SGMS1: variants seen among roughly 807,000 people sequenced by gnomAD.
SGMS1 encodes the protein sphingomyelin synthase 1.
In SGMS1, 13 loss-of-function variants were observed where a neutral mutation model predicts 46.2. The observed-to-expected ratio is 0.28, with a 90% CI of 0.18 to 0.45. SGMS1 has a LOEUF of 0.45. Ranked by LOEUF, SGMS1 falls within the 20% of genes least tolerant of loss-of-function variation. The probability of loss-of-function intolerance (pLI) is 1.00; values close to 1 mark genes in which losing one functional copy is unlikely to be tolerated. For synonymous variants in SGMS1, 203 were observed against 187.8 expected (o/e 1.08, Z -0.66); for missense variants, 324 against 519.9 (o/e 0.62, Z 3.66).
At chr10:50,525,340 A>C (rs1837891662) in intron 2 of SGMS1, among the ~76,000 whole-genome samples, 1 of 152,142 alleles carries the variant, frequency 6.6e-6, no homozygotes. Context: ...CTAGATTGTG[A>C]AGGTGGGTGT....
intron 6 of SGMS1, among the ~76,000 whole-genome samples, chr10:50,427,081 A>C (rs1849335612): frequency 6.6e-6 from 1 of 152,226 alleles, no homozygotes; most frequent in Non-Finnish European, 1.5e-5. Context: ...ATAACAGAAA[A>C]AATTAATGTA....
intron 9 of SGMS1, among the ~76,000 whole-genome samples, chr10:50,309,334 A>T (rs971716074): frequency 3.3e-5 from 5 of 152,180 alleles, no homozygotes; most frequent in African/African-American, 1.2e-4. Flanking sequence ...TAATGTTCAT[A>T]AACTTTTTCC....
chr10:50,625,130 G>C (rs1015475161), upstream of SGMS1: 69 of 920,158 alleles, frequency 7.5e-5, no homozygotes, highest in Non-Finnish European at 8.8e-5. Flanking sequence ...GGCTTGCCCA[G>C]AGGACAGGTT....
intron 1 of SGMS1, among the ~76,000 whole-genome samples, chr10:50,609,521 GTTTTTTT>G (rs370846975): frequency 8.5e-6 from 1 of 117,046 alleles, no homozygotes; most frequent in African/African-American, 3.2e-5. Flanking sequence ...CTTCTCAATA[GTTTTTTT>G]TTTTTTTTTT....
At chr10:50,598,120 C>T (rs968150153) in intron 1 of SGMS1, among the ~76,000 whole-genome samples, 3 of 144,466 alleles carry the variant, frequency 2.1e-5, no homozygotes, top group African/African-American at 7.5e-5. Flanking sequence ...AAACCCTAGT[C>T]CCCAGTGTGA....
At chr10:50,485,046 G>A (rs540715467) in intron 3 of SGMS1, among the ~76,000 whole-genome samples, 1 of 152,252 alleles carries the variant, frequency 6.6e-6, no homozygotes, top group African/African-American at 2.4e-5. Flanking sequence ...TTCTGGCAGG[G>A]CAATAGGGCA....
In SGMS1 at chr10:50,519,853, T is replaced by G. The variant is rs1322994525; in HGVS notation, c.-520A>C. On this transcript the variant is annotated 5_prime_UTR_variant, in exon 3 of 11. Transcript: ENST00000361781. ...TACCTGTATTTTATTACACACCCTC[T>G]GCTGTGTTCCAACTTTACTGTTCTT... is the stretch of plus-strand genomic sequence containing the variant. The G allele has an allele frequency of 1.3e-5, 2 of 152,346 alleles. No homozygotes were observed. Among genetic ancestry groups the G allele is most frequent in the Non-Finnish European group, 2.9e-5 (2 of 68,048 alleles). The allele number at this position is 152,346 out of a possible 1,614,324, so 9.4% of individuals were successfully genotyped here. A position where few individuals can be genotyped will look rare whatever the true frequency, so the allele number is the denominator to read the frequency against.
intron 6 of SGMS1, among the ~76,000 whole-genome samples, chr10:50,400,966 A>C (rs1848931038): frequency 6.6e-6 from 1 of 152,174 alleles, no homozygotes; most frequent in South Asian, 2.1e-4. Flanking sequence ...AGATGATGAT[A>C]ATTAGTGTGT....
chr10:50,477,999 A>G (rs1412087846), intron 3 of SGMS1, among the ~76,000 whole-genome samples: 1 of 152,046 alleles, frequency 6.6e-6, no homozygotes, highest in Non-Finnish European at 1.5e-5. Flanking sequence ...AGAGTGATAC[A>G]GATGGTAATG....
chr10:50,556,210 A>G (rs1034942368), intron 2 of SGMS1, among the ~76,000 whole-genome samples: 15 of 152,216 alleles, frequency 9.9e-5, no homozygotes, highest in Non-Finnish European at 5.9e-5. Context: ...GAGTAACCTC[A>G]TTCATTCATT....
At chr10:50,320,332 G>A (rs1339312632) in intron 8 of SGMS1, among the ~76,000 whole-genome samples, 1 of 152,172 alleles carries the variant, frequency 6.6e-6, no homozygotes, top group Non-Finnish European at 1.5e-5. Flanking sequence ...CATTAGGCTG[G>A]TCACATAACT....
chr10:50,506,726 C>T (rs527945464), intron 3 of SGMS1, among the ~76,000 whole-genome samples: 14 of 152,180 alleles, frequency 9.2e-5, no homozygotes, highest in Non-Finnish European at 2.1e-4. Flanking sequence ...GAGCCACTTA[C>T]TCTGTGACAG....
At chr10:50,442,174 T>G (rs553368357) in intron 5 of SGMS1, among the ~76,000 whole-genome samples, 28 of 146,282 alleles carry the variant, frequency 1.9e-4, no homozygotes, top group African/African-American at 6.9e-4. Flanking sequence ...ACTGACTTTT[T>G]CTGCTGTAGA....
intron 2 of SGMS1, among the ~76,000 whole-genome samples, chr10:50,535,090 G>A (rs1414869609): frequency 5.9e-5 from 9 of 151,952 alleles, no homozygotes; most frequent in African/African-American, 1.7e-4. Flanking sequence ...AAATTAGCCC[G>A]GCATGGTGGC....
chr10:50,424,819 G>C (rs1262163547), intron 6 of SGMS1, among the ~76,000 whole-genome samples: 1 of 151,782 alleles, frequency 6.6e-6, no homozygotes, highest in African/African-American at 2.4e-5. Flanking sequence ...GGCTGAGGCA[G>C]GAGAATCACT....
At chr10:50,401,503 C>T (rs1848940043) in intron 6 of SGMS1, among the ~76,000 whole-genome samples, 1 of 152,128 alleles carries the variant, frequency 6.6e-6, no homozygotes, top group Non-Finnish European at 1.5e-5. Context: ...TTTTCAAAGC[C>T]TCTGCTTTTC....
chr10:50,366,780 A>G (rs1848353189), intron 6 of SGMS1, among the ~76,000 whole-genome samples: 2 of 152,070 alleles, frequency 1.3e-5, no homozygotes, highest in South Asian at 4.2e-4. Flanking sequence ...GGAGGGGAAC[A>G]TCACACACCG....
chr10:50,499,929 G>A (rs1052358393), intron 3 of SGMS1, among the ~76,000 whole-genome samples: 3 of 152,222 alleles, frequency 2.0e-5, no homozygotes, highest in African/African-American at 7.2e-5. Context: ...AACACTTTGG[G>A]AGGCAAAGGC....
chr10:50,443,195 T>G (rs1188486705), intron 5 of SGMS1, among the ~76,000 whole-genome samples: 1 of 152,204 alleles, frequency 6.6e-6, no homozygotes, highest in Non-Finnish European at 1.5e-5. Flanking sequence ...ACAACCCTAA[T>G]GTAGATAAGG....
Sources: gnomAD v4.1 joint callset for allele counts (sites outside exome capture counted in the v4.1 genomes callset) on GRCh38, gnomAD v4.1.1 for gene constraint, MANE v1.5 for transcripts, NCBI Gene and HGNC (gene_info 2026-07-23, HGNC 2026-07-21) for gene names.